ZCCHC7: variants seen among roughly 807,000 people sequenced by gnomAD.
ZCCHC7 encodes the protein zinc finger CCHC domain-containing protein 7.
ZCCHC7 carries 35 observed loss-of-function variants against 52.0 expected under a neutral mutation model. The ratio of observed to expected loss-of-function variants is 0.67; its 90% confidence interval spans 0.51 to 0.89. The LOEUF (loss-of-function observed/expected upper bound fraction) is 0.89, where lower values mean the gene tolerates loss of function less well. Among genes scored for constraint, ZCCHC7 ranks in the 40% least tolerant of loss-of-function variants. The pLI is 0.00. For synonymous variants in ZCCHC7, 217 were observed against 221.5 expected (o/e 0.98, Z 0.18); for missense variants, 574 against 649.1 (o/e 0.88, Z 1.26).
At chr9:37,213,189 C>T (rs1479420167) in intron 2 of ZCCHC7, among the ~76,000 whole-genome samples, 1 of 152,140 alleles carries the variant, frequency 6.6e-6, no homozygotes, top group Non-Finnish European at 1.5e-5. Flanking sequence ...ATTATTTGAG[C>T]TTCAACTTTT....
intron 2 of ZCCHC7, among the ~76,000 whole-genome samples, chr9:37,187,959 CT>C (rs1822754268): frequency 6.6e-6 from 1 of 152,010 alleles, no homozygotes; most frequent in Non-Finnish European, 1.5e-5. Context: ...CTCAGTTATT[CT>C]AATTTTGTTA....
intron 2 of ZCCHC7, among the ~76,000 whole-genome samples, chr9:37,216,926 T>C (rs1273874939): frequency 2.6e-5 from 4 of 152,288 alleles, no homozygotes; most frequent in South Asian, 2.1e-4. Context: ...ATAATAATTA[T>C]TAAATTTGAA....
intron 2 of ZCCHC7, among the ~76,000 whole-genome samples, chr9:37,188,448 C>T (rs1822784330): frequency 6.6e-6 from 1 of 151,128 alleles, no homozygotes; most frequent in Non-Finnish European, 1.5e-5. Flanking sequence ...ACACCATGCC[C>T]AGCCCCTGAG....
chr9:37,171,453 A>G (rs1478845328), intron 2 of ZCCHC7, among the ~76,000 whole-genome samples: 4 of 152,240 alleles, frequency 2.6e-5, no homozygotes, highest in Non-Finnish European at 5.9e-5. Context: ...TTTTTTGGTT[A>G]AGATACAGGC....
intron 2 of ZCCHC7, among the ~76,000 whole-genome samples, chr9:37,131,176 TAA>T (rs1348529113): frequency 6.7e-6 from 1 of 149,900 alleles, no homozygotes; most frequent in Admixed American, 6.7e-5. Context: ...CCGTCTCTAC[TAA>T]AAATACAAAA....
At chr9:37,214,583 A>G (rs558064353) in intron 2 of ZCCHC7, among the ~76,000 whole-genome samples, 2 of 152,198 alleles carry the variant, frequency 1.3e-5, no homozygotes, top group African/African-American at 2.4e-5. Flanking sequence ...TATAGTAACA[A>G]TGCCTCTGTG....
chr9:37,137,221 C>T (rs1355649546), intron 2 of ZCCHC7, among the ~76,000 whole-genome samples: 1 of 152,078 alleles, frequency 6.6e-6, no homozygotes, highest in African/African-American at 2.4e-5. Flanking sequence ...ATGAGATGCT[C>T]CAGCAGAATA....
intron 2 of ZCCHC7, among the ~76,000 whole-genome samples, chr9:37,167,956 A>G (rs915931374): frequency 7.9e-5 from 12 of 152,298 alleles, no homozygotes; most frequent in African/African-American, 2.9e-4. Context: ...CACATTTTGA[A>G]CACTTTGCCG....
At chr9:37,239,905 A>T (rs141983323) in intron 2 of ZCCHC7, among the ~76,000 whole-genome samples, 2 of 152,196 alleles carry the variant, frequency 1.3e-5, no homozygotes, top group East Asian at 3.9e-4. Flanking sequence ...TTATCTTTTA[A>T]TATCAATATT....
At chr9:37,347,571 G>GA (rs1468102292) in intron 6 of ZCCHC7, among the ~76,000 whole-genome samples, 5 of 152,104 alleles carry the variant, frequency 3.3e-5, no homozygotes, top group Non-Finnish European at 7.4e-5. Context: ...TGAAGTAACA[G>GA]AAAATTTCAG....
intron 2 of ZCCHC7, among the ~76,000 whole-genome samples, chr9:37,137,780 TGTTA>T (rs1843060790): frequency 6.6e-6 from 1 of 152,216 alleles, no homozygotes; most frequent in Non-Finnish European, 1.5e-5. Context: ...ATCATTATTT[TGTTA>T]GTTTGGAAAC....
At chr9:37,349,017 A>C (rs915227585) in intron 6 of ZCCHC7, among the ~76,000 whole-genome samples, 10 of 152,146 alleles carry the variant, frequency 6.6e-5, no homozygotes, top group African/African-American at 2.4e-4. Flanking sequence ...CCTTGTACAT[A>C]CTACTGTCAC....
intron 1 of ZCCHC7, among the ~76,000 whole-genome samples, chr9:37,125,942 C>T (rs1842521048): frequency 6.6e-6 from 1 of 152,150 alleles, no homozygotes; most frequent in African/African-American, 2.4e-5. Context: ...TGGTTTGTAT[C>T]CTAGGAGCAA....
intron 6 of ZCCHC7, among the ~76,000 whole-genome samples, chr9:37,342,833 G>A (rs946286735): frequency 5.9e-5 from 9 of 152,164 alleles, no homozygotes; most frequent in African/African-American, 2.2e-4. Context: ...CTTGACTAAG[G>A]TCACATAGTC....
chr9:37,326,013 C>T (rs773829436), intron 5 of ZCCHC7: 1 of 152,182 alleles, frequency 6.6e-6, no homozygotes, highest in Non-Finnish European at 1.5e-5. Flanking sequence ...TATGACAACT[C>T]AGTGATTGCG....
In ZCCHC7 at chr9:37,137,920, A is replaced by G. The variant is rs76405551; in HGVS notation, c.610+10978A>G. On this transcript the variant is annotated intron_variant, in intron 2 of 8. Transcript: ENST00000336755. Reference sequence around the variant, plus strand: ...ACATTTTATACCCTAACAGGTCATAAGAGTGTATTGCCATGTGACATACTT... The same window carrying G: ...ACATTTTATACCCTAACAGGTCATAGGAGTGTATTGCCATGTGACATACTT... 4.1e-3 allele frequency among the ~76,000 whole-genome samples: 618 copies of G among 152,310 alleles called. 1 individual carries two copies. Among genetic ancestry groups the G allele is most frequent in the Non-Finnish European group, 6.6e-3 (448 of 68,016 alleles).
intron 2 of ZCCHC7, among the ~76,000 whole-genome samples, chr9:37,193,388 A>T (rs1484730314): frequency 6.6e-6 from 1 of 152,198 alleles, no homozygotes; most frequent in African/African-American, 2.4e-5. Context: ...AAATTCTCCT[A>T]CAATAGGAAA....
intron 2 of ZCCHC7, among the ~76,000 whole-genome samples, chr9:37,234,901 T>A (rs1825571726): frequency 2.0e-5 from 3 of 152,238 alleles, no homozygotes; most frequent in Admixed American, 2.0e-4. Flanking sequence ...TCATTTAATC[T>A]TTTCTCAAGT....
intron 2 of ZCCHC7, among the ~76,000 whole-genome samples, chr9:37,192,735 T>C (rs958547772): frequency 6.6e-6 from 1 of 152,200 alleles, no homozygotes; most frequent in Non-Finnish European, 1.5e-5. Flanking sequence ...AACAAAGATA[T>C]CTATTAGTCG....
Sources: allele counts gnomAD v4.1 joint callset (sites outside exome capture counted in the v4.1 genomes callset), GRCh38; gene constraint gnomAD v4.1.1; transcripts MANE v1.5; gene names NCBI Gene and HGNC (gene_info 2026-07-23, HGNC 2026-07-21).